The following MTUS2 variants were observed in gnomAD, a reference collection of about 807,000 sequenced individuals.
MTUS2 encodes microtubule-associated tumor suppressor candidate 2.
In MTUS2, 40 loss-of-function variants were observed where a neutral mutation model predicts 114.1. That is an observed-to-expected ratio of 0.35 (90% CI 0.27 to 0.46). The LOEUF (loss-of-function observed/expected upper bound fraction) is 0.46, where lower values mean the gene tolerates loss of function less well. Ranked by LOEUF, MTUS2 falls within the 20% of genes least tolerant of loss-of-function variation. MTUS2 has a pLI of 1.00. For synonymous variants in MTUS2, 688 were observed against 672.0 expected, an observed-to-expected ratio of 1.02 and a Z score of -0.37; for missense variants, 1,679 against 1,705.4, an observed-to-expected ratio of 0.98 and a Z score of 0.27.
intron 5 of MTUS2, among the ~76,000 whole-genome samples, chr13:29,236,620 G>A (rs1232959604): frequency 1.3e-5 from 2 of 152,208 alleles, no homozygotes; most frequent in Non-Finnish European, 2.9e-5. Context: ...GACCACCAAC[G>A]CTATGAGAAA....
intron 8 of MTUS2, among the ~76,000 whole-genome samples, chr13:29,397,634 C>T (rs1442956347): frequency 6.6e-6 from 1 of 152,196 alleles, no homozygotes; most frequent in Non-Finnish European, 1.5e-5. Context: ...GGTAGTTTTC[C>T]TAATTTTTTG....
intron 5 of MTUS2, among the ~76,000 whole-genome samples, chr13:29,235,383 G>A (rs1244618333): frequency 2.0e-5 from 3 of 152,238 alleles, no homozygotes; most frequent in South Asian, 2.1e-4. Flanking sequence ...ATGAGCGACC[G>A]CACCCGGCCA....
At chr13:29,068,482 T>C (rs61945811) in intron 4 of MTUS2, among the ~76,000 whole-genome samples, 38,674 of 152,096 alleles carry the variant, frequency 0.25, 5,367 homozygotes, top group Non-Finnish European at 0.31. Flanking sequence ...AATCAGTATT[T>C]ACTGAGCACC....
At chr13:29,169,332 G>A (rs1893456657) in intron 5 of MTUS2, among the ~76,000 whole-genome samples, 1 of 152,002 alleles carries the variant, frequency 6.6e-6, no homozygotes, top group Non-Finnish European at 1.5e-5. Context: ...TTTATGCGTA[G>A]GTAAGACAGC....
chr13:29,114,930 T>C (rs1217551756), intron 5 of MTUS2, among the ~76,000 whole-genome samples: 1 of 152,260 alleles, frequency 6.6e-6, no homozygotes, highest in African/African-American at 2.4e-5. Flanking sequence ...GGTAACTTTA[T>C]TTCTGTGGCA....
In MTUS2 at chr13:28,920,856, C is replaced by T. The variant is rs146560387; in HGVS notation, c.-243+81006C>T. Among the ~76,000 whole-genome samples, 50 of 152,302 alleles carry T rather than the reference C, an allele frequency of 3.3e-4. No homozygotes were observed. In the East Asian group the frequency reaches 9.3e-3, roughly 28 times the overall value. ...GCAACACCACCACAAGGGAGTTTCT[C>T]TCAGGCCACCACCGGTGTTCTCTTA... On this transcript the variant is annotated intron_variant, in intron 2 of 15. Transcript: ENST00000612955.
intron 8 of MTUS2, 129 bp downstream of exon 8, chr13:29,359,602 G>A (rs1870063268): frequency 1.9e-6 from 2 of 1,049,244 alleles, no homozygotes. Context: ...GGATTTTCAG[G>A]AGTTCAGGCA....
At chr13:29,170,892 TC>T (rs1893527665) in intron 5 of MTUS2, among the ~76,000 whole-genome samples, 2 of 141,028 alleles carry the variant, frequency 1.4e-5, no homozygotes, top group Non-Finnish European at 3.1e-5. Context: ...GATAAAAACA[TC>T]TTTAAAAAAT....
chr13:29,160,687 G>C (rs1268038006), intron 5 of MTUS2, among the ~76,000 whole-genome samples: 1 of 151,768 alleles, frequency 6.6e-6, no homozygotes, highest in Non-Finnish European at 1.5e-5. Flanking sequence ...GGAGAATGGT[G>C]TGAACCCAGG....
chr13:29,362,029 A>T (rs1357668230), intron 8 of MTUS2, among the ~76,000 whole-genome samples: 4 of 152,172 alleles, frequency 2.6e-5, no homozygotes, highest in Admixed American at 6.5e-5. Context: ...TAGGAATAAC[A>T]TCCCTGTCCT....
chr13:29,409,242 A>T (rs1261476413), intron 8 of MTUS2, among the ~76,000 whole-genome samples: 1 of 152,128 alleles, frequency 6.6e-6, no homozygotes, highest in African/African-American at 2.4e-5. Flanking sequence ...CTTGAACCCA[A>T]GAGGCAGAGG....
intron 2 of MTUS2, among the ~76,000 whole-genome samples, chr13:28,883,905 A>T (rs1878438598): frequency 6.6e-6 from 1 of 152,138 alleles, no homozygotes; most frequent in African/African-American, 2.4e-5. Context: ...GTTGGTGAGG[A>T]TGTGGGGAAA....
chr13:29,147,285 C>T (rs920654560), intron 5 of MTUS2, among the ~76,000 whole-genome samples: 5 of 152,144 alleles, frequency 3.3e-5, no homozygotes, highest in Admixed American at 3.3e-4. Flanking sequence ...CAATGGAAGC[C>T]ACCAGCTAGT....
rs975193012 is a variant in MTUS2, at chr13:28,865,135, G to T, written c.-243+25285G>T. On this transcript the variant is annotated intron_variant, in intron 2 of 15. Transcript: ENST00000612955. ...GGGGTGTGTATACACACACGTGTGTGTGTCTATTCAGCTGATCTACCTGTC... is the reference window on the plus strand; with the variant it reads ...GGGGTGTGTATACACACACGTGTGTTTGTCTATTCAGCTGATCTACCTGTC... Among the ~76,000 whole-genome samples the T allele has an allele frequency of 3.5e-4, 54 of 152,182 alleles. 1 individual carries two copies. The highest frequency in any genetic ancestry group is 1.3e-3 in the African/African-American group (52 of 41,460).
At chr13:29,010,406 G>A (rs1488207709) in intron 2 of MTUS2, among the ~76,000 whole-genome samples, 1 of 152,122 alleles carries the variant, frequency 6.6e-6, no homozygotes, top group Non-Finnish European at 1.5e-5. Flanking sequence ...GGGGAATGGA[G>A]TCTTGGGATA....
intron 2 of MTUS2, among the ~76,000 whole-genome samples, chr13:28,919,465 T>C (rs1246312252): frequency 6.6e-6 from 1 of 152,164 alleles, no homozygotes; most frequent in African/African-American, 2.4e-5. Context: ...CCATTTTATA[T>C]TATTTATTTT....
chr13:29,024,802 C>T lies in MTUS2; in HGVS notation c.104C>T (p.Thr35Met), dbSNP rs548916506. Reference sequence around the variant, plus strand: ...GAAAGCATCTTAAGTCTGGGAGATACGAATGCCAATCAAATCATGTTGGAG... The same window carrying T: ...GAAAGCATCTTAAGTCTGGGAGATATGAATGCCAATCAAATCATGTTGGAG... The part of the protein sequence containing the change: ...NNESILSLGD[T>M]NANQIMLEVS... Residue 35 changes from threonine to methionine, a missense_variant, in exon 3 of 16, where the codon ACG (threonine) becomes ATG (methionine). Around this residue, in one of 3 missense-constraint regions of MTUS2, gnomAD observed 843 missense variants for 770.8 expected, o/e 1.09. Transcript: ENST00000612955. 49 of 1,613,826 alleles carry T rather than the reference C, an allele frequency of 3.0e-5. No homozygotes were observed. Among genetic ancestry groups the T allele is most frequent in the African/African-American group, 1.3e-4 (10 of 74,906 alleles).
intron 5 of MTUS2, among the ~76,000 whole-genome samples, chr13:29,133,776 G>A (rs981435623): frequency 2.0e-5 from 3 of 152,298 alleles, no homozygotes; most frequent in African/African-American, 7.2e-5. Flanking sequence ...TTGAAATTAG[G>A]AAGTGTGTCT....
intron 2 of MTUS2, among the ~76,000 whole-genome samples, chr13:29,014,978 A>G (rs1886004920): frequency 6.6e-6 from 1 of 152,260 alleles, no homozygotes; most frequent in Non-Finnish European, 1.5e-5. Flanking sequence ...TGATGGACAC[A>G]GTGCCCGGGA....
Sources: allele counts gnomAD v4.1 joint callset (sites outside exome capture counted in the v4.1 genomes callset), GRCh38; gene constraint gnomAD v4.1.1; regional missense constraint gnomAD v4.1.1; transcripts MANE v1.5; gene names NCBI Gene and HGNC (gene_info 2026-07-23, HGNC 2026-07-21).